Variants in ARAF observed in about 807,000 individuals in gnomAD.
ARAF encodes A-Raf proto-oncogene, serine/threonine kinase, also known as serine/threonine-protein kinase A-Raf.
ARAF carries 18 observed loss-of-function variants against 48.0 expected under a neutral mutation model. The observed-to-expected ratio is 0.37, with a 90% CI of 0.26 to 0.56. The LOEUF is 0.56. Ranked by LOEUF, ARAF falls within the 20% of genes least tolerant of loss-of-function variation. The pLI is 0.77. For synonymous variants in ARAF, 207 were observed against 220.1 expected (o/e 0.94, Z 0.53); for missense variants, 389 against 543.1 (o/e 0.72, Z 2.82).
intron 1 of ARAF, among the ~76,000 whole-genome samples, chrX:47,562,261 A>C (rs1019645478): frequency 9.1e-6 from 1 of 110,112 alleles, no homozygotes; most frequent in Non-Finnish European, 1.9e-5. Flanking sequence ...AGGCGGGTGG[A>C]TCATCTGAGG....
chrX:47,568,904 C>T lies in ARAF; in HGVS notation c.1253+10C>T, dbSNP rs371865941. On this transcript the variant is annotated intron_variant, in intron 11 of 15. Coordinates refer to ENST00000377045, the MANE Select transcript of ARAF (RefSeq NM_001654.5). ...CTGCCCAGGGCATGGAGTGAGCCTC[C>T]CAGCCTGGGGAGGGGTGGGGGGAAA... The T allele has an allele frequency of 9.3e-5, 112 of 1,205,140 alleles. No homozygotes were observed. Among genetic ancestry groups the T allele is most frequent in the Non-Finnish European group, 1.2e-4 (109 of 892,890 alleles).
rs373018619 is a variant in ARAF at position 47,569,569 on chromosome X, A to G, written c.1331A>G (p.Lys444Arg). The G allele has an allele frequency of 3.3e-6, 4 of 1,207,470 alleles. No individual in the cohort carries two copies. Among genetic ancestry groups the G allele is most frequent in the African/African-American group, 1.8e-5 (1 of 57,036 alleles). The change falls in exon 13 of 16, where the codon AAG (lysine) becomes AGG (arginine). Residue 444 changes from lysine to arginine, a missense_variant. By Grantham distance (26) the Lys-to-Arg change is conservative. Coordinates refer to ENST00000377045, the MANE Select transcript of ARAF (RefSeq NM_001654.5). The part of the protein sequence containing the change: ...NIFLHEGLTV[K>R]IGDFGLATVK... The stretch of plus-strand genomic sequence containing the variant: ...TTCCTACATGAGGGGCTCACGGTGA[A>G]GATCGGTGACTTTGGCTTGGCCACA...
Position 47,569,006 on chromosome X carries a change from A to T in ARAF, c.1273A>T (p.Ile425Phe). The change falls in exon 12 of 16, where the codon ATC (isoleucine) becomes TTC (phenylalanine). Residue 425 changes from isoleucine to phenylalanine, a missense_variant. By Grantham distance (21) the Ile-to-Phe change is conservative. Around this residue, in one of 4 missense-constraint regions of ARAF, gnomAD observed 170 missense variants for 281.4 expected, o/e 0.60. Coordinates refer to ENST00000377045, the MANE Select transcript of ARAF (RefSeq NM_001654.5). ...CCACAGCTACCTCCATGCCAAGAAC[A>T]TCATCCACCGAGATCTCAAGTCTAA... ...QGMDYLHAKN[I>F]IHRDLKSNNI... is the part of the protein sequence containing the mutation. The T allele has an allele frequency of 3.3e-6, 4 of 1,200,937 alleles. No homozygotes were observed. The highest frequency in any genetic ancestry group is 4.5e-6 in the Non-Finnish European group (4 of 890,566).
chrX:47,566,901 C>T lies in ARAF; in HGVS notation c.717C>T (p.Phe239=), dbSNP rs776408725. 2 of 1,211,714 alleles carry T rather than the reference C, an allele frequency of 1.7e-6. No homozygotes were observed. Among genetic ancestry groups the T allele is most frequent in the Non-Finnish European group, 2.2e-6 (2 of 895,538 alleles). ...TCTTCTAGCTCACTGGCCAGAGTTT[C>T]AGCACTGATGGTGAGTCCCCTGTGC... The part of the protein sequence containing the change: ...SNLIQLTGQS[F]STDAAGSRGG... Residue 239 remains phenylalanine, a synonymous_variant, in exon 8 of 16, where the codon TTC becomes TTT. Transcript: ENST00000377045.
At position 47,566,800 on chromosome X, in the gene ARAF, A is replaced by G; in HGVS notation, c.699+20A>G. 1.7e-6 allele frequency: 2 copies of G among 1,211,256 alleles called. No individual in the cohort carries two copies. Among genetic ancestry groups the G allele is most frequent in the Non-Finnish European group, 1.1e-6 (1 of 895,167 alleles). On this transcript the variant is annotated intron_variant, in intron 7 of 15. Transcript: ENST00000377045. ...ATCCAGGTTGGTGCTGTGGGGGACA[A>G]TGCCGGGGACCACAGGGCAGAGGGT...
chrX:47,569,480 C>T (rs901631896), intron 12 of ARAF, 59 bp from the exon 13 acceptor site: 1 of 1,025,612 alleles, frequency 9.8e-7, no homozygotes, highest in African/African-American at 1.9e-5. Context: ...GGGAACCTCC[C>T]AGGCAGGGTG....
In ARAF at chrX:47,566,660, C is replaced by A. The variant is rs1197389088; in HGVS notation, c.579C>A (p.Asp193Glu). 8.5e-7 allele frequency: 1 copy of A among 1,180,150 alleles called. No homozygotes were observed. Among genetic ancestry groups the A allele is most frequent in the Non-Finnish European group, 1.1e-6 (1 of 878,413 alleles). Residue 193 changes from aspartate to glutamate, a missense_variant, in exon 7 of 16, where the codon GAC becomes GAA. Coordinates refer to ENST00000377045, the MANE Select transcript of ARAF (RefSeq NM_001654.5). ...QGPSPRTQHC[D>E]PEHFPFPAPA... ...GCAGCCCCCGCACCCAGCACTGTGA[C>A]CCGGAGCACTTCCCCTTCCCTGCCC...
rs2147908669 is a variant in ARAF, at chrX:47,569,670, A to G, written c.1419+13A>G. The G allele has an allele frequency of 8.4e-7, 1 of 1,194,329 alleles. No homozygotes were observed. Among genetic ancestry groups the G allele is most frequent in the African/African-American group, 1.8e-5 (1 of 57,040 alleles). ...TGTGCTGTGGATGGTGAGTTGGGCC[A>G]GGCTGGATGGGGGGCACATGGGGAC... On this transcript the variant is annotated intron_variant, in intron 13 of 15. Transcript: ENST00000377045.
Position 47,571,590 on chromosome X carries a change from G to C in ARAF, c.*133G>C. On this transcript the variant is annotated 3_prime_UTR_variant, in exon 16 of 16. Coordinates refer to ENST00000377045, the MANE Select transcript of ARAF (RefSeq NM_001654.5). ...CATTCCCCACCCTGGGAGATGAGGG[G>C]GTCCCCATGTGCTTTTCCAGTTCTT... 1 of 957,592 alleles carries C rather than the reference G, an allele frequency of 1.0e-6. No individual in the cohort carries two copies. Among genetic ancestry groups the C allele is most frequent in the East Asian group, 3.6e-5 (1 of 27,787 alleles). The allele number at this position is 957,592 out of a possible 1,213,427, so 78.9% of individuals were successfully genotyped here.
At chrX:47,566,599 C>T in intron 6 of ARAF, 40 bp from the exon 7 acceptor site, 2 of 1,135,203 alleles carry the variant, frequency 1.8e-6, no homozygotes, top group Non-Finnish European at 2.3e-6. Context: ...TCTCGGTTCT[C>T]TGATTCCTGG....
At chrX:47,561,425 G>C (rs1318846515) in intron 1 of ARAF, among the ~76,000 whole-genome samples, 174 bp downstream of exon 1, 1 of 112,035 alleles carries the variant, frequency 8.9e-6, no homozygotes, top group Non-Finnish European at 1.9e-5. Context: ...CGGGGGTGGG[G>C]TGGGTAACAG....
chrX:47,568,627 G>A (rs2057742830), intron 10 of ARAF, 91 bp from the exon 11 acceptor site: 1 of 952,041 alleles, frequency 1.1e-6, no homozygotes, highest in African/African-American at 1.9e-5. Context: ...AATGACCGAG[G>A]AAGGTAAAGA....
rs866243975 is a variant in ARAF, at chrX:47,571,377, G to A, written c.1741G>A (p.Ala581Thr). The A allele has an allele frequency of 8.3e-7, 1 of 1,210,694 alleles. No individual in the cohort carries two copies. The highest frequency in any genetic ancestry group is 1.1e-6 in the Non-Finnish European group (1 of 895,069). The change falls in exon 16 of 16, where the codon GCC becomes ACC. Residue 581 changes from alanine (A) to threonine (T), a missense_variant. By Grantham distance (58) the Ala-to-Thr change is moderately conservative. This residue lies in a region of ARAF where 170 missense variants were observed against 281.4 expected (regional missense o/e 0.60). Transcript: ENST00000377045. ...GTCACTCCCCAAGATTGAGCGGAGT[G>A]CCTCGGAACCCTCCTTGCACCGCAC... ...QRSLPKIERS[A>T]SEPSLHRTQA...
intron 6 of ARAF, chrX:47,565,773 T>C (rs1407182300): frequency 2.2e-5 from 3 of 135,982 alleles, no homozygotes; most frequent in African/African-American, 9.7e-5. Flanking sequence ...ATTACTTCCC[T>C]TTTATTGCTT....
Position 47,566,752 on chromosome X carries a change from C to T in ARAF, c.671C>T (p.Thr224Met), listed in dbSNP as rs2147905656. 1.7e-6 allele frequency: 2 copies of T among 1,209,295 alleles called. No homozygotes were observed. Among genetic ancestry groups the T allele is most frequent in the Non-Finnish European group, 2.2e-6 (2 of 894,164 alleles). The change falls in exon 7 of 16, where the codon ACG becomes ATG. Residue 224 changes from threonine (T) to methionine (M), a missense_variant. Physicochemically the swap from Thr to Met is moderately conservative, Grantham distance 81. Coordinates refer to ENST00000377045, the MANE Select transcript of ARAF (RefSeq NM_001654.5). Reference protein sequence around the residue: ...STPNVHMVSTTAPMDSNLIQL... With the variant: ...STPNVHMVSTMAPMDSNLIQL... The stretch of plus-strand genomic sequence containing the variant: ...CCCAACGTCCATATGGTCAGCACCA[C>T]GGCCCCCATGGACTCCAACCTCATC...
In ARAF at chrX:47,567,300, G is replaced by C. The variant is rs1198480394; in HGVS notation, c.944G>C (p.Arg315Thr). The change falls in exon 10 of 16, where the codon AGG becomes ACG. Residue 315 changes from arginine to threonine, a missense_variant. Transcript: ENST00000377045. ...CCCAGTGAGGTGCAGCTGCTGAAGA[G>C]GATCGGGACGGGCTCGTTTGGCACC... ...VPPSEVQLLK[R>T]IGTGSFGTVF... 4.1e-6 allele frequency: 5 copies of C among 1,209,585 alleles called. No homozygotes were observed. The highest frequency in any genetic ancestry group is 5.6e-6 in the Non-Finnish European group (5 of 895,128).
chrX:47,563,934 G>C (rs2057721223), intron 3 of ARAF, among the ~76,000 whole-genome samples: 1 of 111,992 alleles, frequency 8.9e-6, no homozygotes, highest in South Asian at 3.7e-4. Context: ...CTAAGTGATG[G>C]GCGGTAGCGT....
chrX:47,565,441 T>C, intron 6 of ARAF, 91 bp downstream of exon 6: 1 of 1,128,030 alleles, frequency 8.9e-7, no homozygotes, highest in Non-Finnish European at 1.2e-6. Context: ...ATTTGTTTAC[T>C]TGACAAACAT....
In ARAF at chrX:47,571,110, AGTGTGTGTGTGTGT is replaced by A. The variant is rs34644595; in HGVS notation, c.1686+117_1686+130del. 2.2e-5 allele frequency: 18 copies of A among 816,941 alleles called. 1 individual carries two copies. Among genetic ancestry groups the A allele is most frequent in the Admixed American group, 1.1e-4 (3 of 26,800 alleles). 67.3% of individuals were successfully genotyped at this position (816,941 alleles called of 1,213,427 possible). A position where few individuals can be genotyped will look rare whatever the true frequency, so the allele number is the denominator to read the frequency against. On this transcript the variant is annotated intron_variant, in intron 15 of 15. Coordinates refer to ENST00000377045, the MANE Select transcript of ARAF (RefSeq NM_001654.5). ...TGTGAATATGAAAGCTCAGAGGTATAGTGTGTGTGTGTGTGTGTGTGTGTGTGTGTGTTTCACCA... is the reference window on the plus strand; with the variant it reads ...TGTGAATATGAAAGCTCAGAGGTATAGTGTGTGTGTGTGTGTGTTTCACCA...
Sources: allele counts gnomAD v4.1 joint callset (sites outside exome capture counted in the v4.1 genomes callset), GRCh38; gene constraint gnomAD v4.1.1; regional missense constraint gnomAD v4.1.1; transcripts MANE v1.5; gene names NCBI Gene and HGNC (gene_info 2026-07-23, HGNC 2026-07-21).